The following SEPSECS variants were observed in gnomAD, a reference collection of about 807,000 sequenced individuals.
The protein encoded by SEPSECS is O-phosphoseryl-tRNA(Sec) selenium transferase.
Under a neutral mutation model 52.1 loss-of-function variants are expected in SEPSECS, and 42 were observed. The observed-to-expected ratio is 0.81, with a 90% confidence interval of 0.63 to 1.04. The LOEUF is 1.04. Among genes scored for constraint, SEPSECS ranks in the 50% least tolerant of loss-of-function variants. The probability of loss-of-function intolerance (pLI) is 0.00; values close to 1 mark genes in which losing one functional copy is unlikely to be tolerated. For synonymous variants in SEPSECS, 216 were observed against 211.4 expected (o/e 1.02, Z -0.19); for missense variants, 590 against 610.6 (o/e 0.97, Z 0.36).
Position 25,151,968 on chromosome 4 carries a change from TGA to T in SEPSECS, c.794_795del (p.Leu265HisfsTer9), listed in dbSNP as rs750500193. 6.5e-7 allele frequency: 1 copy of T among 1,526,904 alleles called. No homozygotes were observed. The highest frequency in any genetic ancestry group is 9.1e-7 in the Non-Finnish European group (1 of 1,100,720). 94.6% of individuals were successfully genotyped at this position (1,526,904 alleles called of 1,614,324 possible). ...ATTTTAAACTCTCTTACCTGCTGAA[TGA>T]GATGCATACACTTTGAAGACTGCAC... is the stretch of plus-strand genomic sequence containing the variant. The part of the protein sequence containing the change: ...YGVQSSKCMH[L>X]IQQGARVGRI... On this transcript the variant is annotated frameshift_variant, in exon 6 of 11. Transcript: ENST00000382103. LOFTEE classifies it high-confidence loss of function.
intron 2 of SEPSECS, 38 bp downstream of exon 2, chr4:25,158,915 T>C (rs1339841558): frequency 6.3e-7 from 1 of 1,594,472 alleles, no homozygotes. Context: ...CAAAAATAAA[T>C]AAACGATGTA....
chr4:25,135,236 C>T (rs1224294012), intron 8 of SEPSECS, among the ~76,000 whole-genome samples: 4 of 140,586 alleles, frequency 2.8e-5, no homozygotes, highest in South Asian at 4.4e-4. Context: ...GACAGAGACA[C>T]GAAAAACCGT....
chr4:25,154,309 A>T (rs560836998), intron 5 of SEPSECS, among the ~76,000 whole-genome samples: 1 of 152,298 alleles, frequency 6.6e-6, no homozygotes, highest in African/African-American at 2.4e-5. Context: ...AGAAAAGCCC[A>T]AAGTCAATAT....
Position 25,144,883 on chromosome 4 carries a change from A to C in SEPSECS, c.935-18T>G, listed in dbSNP as rs376132335. 6.3e-7 allele frequency: 1 copy of C among 1,599,140 alleles called. No homozygotes were observed. The highest frequency in any genetic ancestry group is 1.3e-5 in the African/African-American group (1 of 74,612). On this transcript the variant is annotated intron_variant, in intron 7 of 10. Coordinates refer to ENST00000382103, the MANE Select transcript of SEPSECS (RefSeq NM_016955.4). ...AGCTCTTCCTGAAATAAGAAGGATAAGTTACATTAAGACTGTGGTGGGGGG... is the reference window on the plus strand; with the variant it reads ...AGCTCTTCCTGAAATAAGAAGGATACGTTACATTAAGACTGTGGTGGGGGG...
At chr4:25,140,226 G>A (rs563038547) in intron 8 of SEPSECS, among the ~76,000 whole-genome samples, 2 of 152,320 alleles carry the variant, frequency 1.3e-5, no homozygotes, top group East Asian at 3.9e-4. Flanking sequence ...AGACTCAGCA[G>A]GACCACCTGG....
chr4:25,157,108 C>T, intron 2 of SEPSECS, 134 bp from the exon 3 acceptor site: 1 of 707,578 alleles, frequency 1.4e-6, no homozygotes, highest in Non-Finnish European at 2.6e-6. Context: ...ATGTCACAAA[C>T]TATTAATGAT....
chr4:25,141,504 G>A (rs772585105), intron 8 of SEPSECS, among the ~76,000 whole-genome samples: 20 of 152,258 alleles, frequency 1.3e-4, no homozygotes, highest in Non-Finnish European at 2.6e-4. Context: ...GCTAATGGCT[G>A]TTCCATCCTT....
intron 10 of SEPSECS, among the ~76,000 whole-genome samples, chr4:25,124,435 G>C (rs557295865): frequency 2.0e-5 from 3 of 151,968 alleles, no homozygotes; most frequent in Admixed American, 6.6e-5. Context: ...GTCCTGCCTC[G>C]TGATTATCGT....
At position 25,127,252 on chromosome 4, in the gene SEPSECS, A is replaced by G. The variant is rs4697552; in HGVS notation, c.1120+12T>C. On this transcript the variant is annotated intron_variant, in intron 9 of 10. Coordinates refer to ENST00000382103, the MANE Select transcript of SEPSECS (RefSeq NM_016955.4). Reference sequence around the variant, plus strand: ...ATAAGTATTTGTTTTTCTTTAGGAAAAAAGAAATTACCTAAAGATATGGGA... The same window carrying G: ...ATAAGTATTTGTTTTTCTTTAGGAAGAAAGAAATTACCTAAAGATATGGGA... The G allele has an allele frequency of 6.6e-3, 10,384 of 1,584,296 alleles. 245 individuals carry two copies. Among genetic ancestry groups the G allele is most frequent in the East Asian group, 0.058 (2,581 of 44,624 alleles).
intron 4 of SEPSECS, 34 bp from the exon 5 acceptor site, chr4:25,155,185 G>C: frequency 6.2e-7 from 1 of 1,610,510 alleles, no homozygotes; most frequent in Admixed American, 1.7e-5. Flanking sequence ...AAATGTTAGT[G>C]TGAACTAAAA....
intron 8 of SEPSECS, among the ~76,000 whole-genome samples, chr4:25,138,420 G>C (rs1215380232): frequency 6.6e-6 from 1 of 151,456 alleles, no homozygotes; most frequent in East Asian, 1.9e-4. Flanking sequence ...AGGAGTTCAA[G>C]ACCAGCCTAG....
chr4:25,129,847 T>A (rs1260026334), intron 8 of SEPSECS, among the ~76,000 whole-genome samples: 1 of 152,204 alleles, frequency 6.6e-6, no homozygotes, highest in African/African-American at 2.4e-5. Flanking sequence ...TATATTTTCA[T>A]CTCCTATAAA....
chr4:25,123,861 C>G lies in SEPSECS; in HGVS notation c.*70G>C. On this transcript the variant is annotated 3_prime_UTR_variant, in exon 11 of 11. Coordinates refer to ENST00000382103, the MANE Select transcript of SEPSECS (RefSeq NM_016955.4). The stretch of plus-strand genomic sequence containing the variant: ...TCAATTCAAAAATCTCAAGTCTTAT[C>G]TTTAAACTGCTTGCTTGTACTACAG... 1 of 1,366,758 alleles carries G rather than the reference C, an allele frequency of 7.3e-7. No homozygotes were observed. Among genetic ancestry groups the G allele is most frequent in the Admixed American group, 1.7e-5 (1 of 59,086 alleles). The allele number at this position is 1,366,758 out of a possible 1,614,324, so 84.7% of individuals were successfully genotyped here.
chr4:25,137,946 A>G (rs1728908724), intron 8 of SEPSECS, among the ~76,000 whole-genome samples: 1 of 152,162 alleles, frequency 6.6e-6, no homozygotes, highest in Non-Finnish European at 1.5e-5. Flanking sequence ...GACTATCCTC[A>G]GCAAACTAAA....
rs189640138 is a variant in SEPSECS at position 25,140,498 on chromosome 4, C to T, written c.1026+4276G>A. On this transcript the variant is annotated intron_variant, in intron 8 of 10. Coordinates refer to ENST00000382103, the MANE Select transcript of SEPSECS (RefSeq NM_016955.4). The stretch of plus-strand genomic sequence containing the variant: ...ATAGGAGACCCAATTGCCTAGATTT[C>T]GGTCCATATTCCACAATTCACCTCA... Among the ~76,000 whole-genome samples the T allele has an allele frequency of 1.6e-4, 25 of 152,236 alleles. No homozygotes were observed. In the East Asian group the frequency reaches 2.3e-3, roughly 14 times the overall value.
chr4:25,141,640 T>C (rs1303683344), intron 8 of SEPSECS, among the ~76,000 whole-genome samples: 1 of 152,218 alleles, frequency 6.6e-6, no homozygotes, highest in East Asian at 1.9e-4. Flanking sequence ...ATCCAGCTTC[T>C]GCCCTTGCCC....
intron 8 of SEPSECS, among the ~76,000 whole-genome samples, chr4:25,132,045 T>C (rs971807712): frequency 6.6e-6 from 1 of 152,112 alleles, no homozygotes; most frequent in Non-Finnish European, 1.5e-5. Flanking sequence ...AGCAAATGTG[T>C]TGATCAGGAA....
intron 8 of SEPSECS, among the ~76,000 whole-genome samples, chr4:25,136,102 G>C (rs1387545038): frequency 1.3e-5 from 2 of 152,142 alleles, no homozygotes; most frequent in African/African-American, 4.8e-5. Flanking sequence ...ATATCATACT[G>C]AATGGGCAAA....
chr4:25,150,222 T>C (rs1366409874), intron 6 of SEPSECS, among the ~76,000 whole-genome samples: 1 of 152,224 alleles, frequency 6.6e-6, no homozygotes, highest in Non-Finnish European at 1.5e-5. Flanking sequence ...ACACAGGTAA[T>C]CTGTGAATAA....
Sources: gnomAD v4.1 joint callset for allele counts (sites outside exome capture counted in the v4.1 genomes callset) on GRCh38, gnomAD v4.1.1 for gene constraint, MANE v1.5 for transcripts, NCBI Gene and HGNC (gene_info 2026-07-23, HGNC 2026-07-21) for gene names.